MED14: variants seen among roughly 807,000 people sequenced by gnomAD.
The protein encoded by MED14 is mediator complex subunit 14.
Under a neutral mutation model 109.0 loss-of-function variants are expected in MED14, and 8 were observed. The ratio of observed to expected loss-of-function variants is 0.07; its 90% CI spans 0.04 to 0.13. The LOEUF is 0.13. Among genes scored for constraint, MED14 ranks in the 10% least tolerant of loss-of-function variants. The probability of loss-of-function intolerance (pLI) is 1.00; values close to 1 mark genes in which losing one functional copy is unlikely to be tolerated. For synonymous variants in MED14, 399 were observed against 408.7 expected, an observed-to-expected ratio of 0.98 and a Z score of 0.29; for missense variants, 711 against 1,142.4, an observed-to-expected ratio of 0.62 and a Z score of 5.44.
chrX:40,726,541 C>A, intron 3 of MED14: 1 of 355,301 alleles, frequency 2.8e-6, no homozygotes, highest in Non-Finnish European at 5.0e-6. Context: ...GTAATGATGT[C>A]TCCAGCTATC....
At chrX:40,666,690 T>C (rs1464579179) in intron 24 of MED14, 30 bp downstream of exon 24, 9 of 1,199,897 alleles carry the variant, frequency 7.5e-6, no homozygotes, top group Non-Finnish European at 9.0e-6. Flanking sequence ...CAAGCTCTTA[T>C]GCTATATCGA....
chrX:40,716,212 G>A (rs1441667020), intron 3 of MED14, among the ~76,000 whole-genome samples: 1 of 111,525 alleles, frequency 9.0e-6, no homozygotes, highest in East Asian at 2.8e-4. Flanking sequence ...TTGTGAGGAT[G>A]TGGAAGAAGG....
rs1393936729 is a variant in MED14, at chrX:40,659,272, A to G, written c.3927T>C (p.Pro1309=). 8.6e-7 allele frequency: 1 copy of G among 1,164,049 alleles called. No individual in the cohort carries two copies. Among genetic ancestry groups the G allele is most frequent in the Admixed American group, 2.6e-5 (1 of 38,697 alleles). ...LIAFTKLLGA[P]THILRDCVHI... ...GCACACAATCCCTGAGGATGTGTGT[A>G]GGAGCTCCTAATAGCTTGGTGAAGG... is the stretch of plus-strand genomic sequence containing the variant. Residue 1309 remains proline, a synonymous_variant, in exon 28 of 31, where the codon CCT becomes CCC. Transcript: ENST00000324817.
In MED14 at chrX:40,666,864, A is replaced by G. The variant is rs767991400; in HGVS notation, c.3134-13T>C. ...GCATGCAGATTTCCTAATAAAGGAA[A>G]ATAATTATAGATAATCTTGCAGGAC... On this transcript the variant is annotated splice_polypyrimidine_tract_variant and intron_variant, in intron 23 of 30. Transcript: ENST00000324817. 1 of 1,150,777 alleles carries G rather than the reference A, an allele frequency of 8.7e-7. No homozygotes were observed. The allele number at this position is 1,150,777 out of a possible 1,213,427, so 94.8% of individuals were successfully genotyped here. A position where few individuals can be genotyped will look rare whatever the true frequency, so the allele number is the denominator to read the frequency against.
intron 7 of MED14, 39 bp downstream of exon 7, chrX:40,712,147 A>T: frequency 9.7e-7 from 1 of 1,032,757 alleles, no homozygotes; most frequent in Non-Finnish European, 1.3e-6. Context: ...GGTACCACAA[A>T]ATCCTTACAA....
At chrX:40,672,040 C>G in intron 22 of MED14, 68 bp from the exon 23 acceptor site, 2 of 568,809 alleles carry the variant, frequency 3.5e-6, no homozygotes, top group Non-Finnish European at 5.8e-6. Context: ...GTGGCTTTCA[C>G]TAATTATAGC....
chrX:40,651,810 G>A lies in MED14; in HGVS notation c.4361C>T (p.Pro1454Leu). 8.4e-7 allele frequency: 1 copy of A among 1,191,539 alleles called. No homozygotes were observed. Among genetic ancestry groups the A allele is most frequent in the South Asian group, 1.9e-5 (1 of 52,865 alleles). The change falls in exon 31 of 31, where the codon CCA becomes CTA. Residue 1454 changes from proline to leucine, a missense_variant. Physicochemically the swap from Pro to Leu is moderately conservative, Grantham distance 98. This residue lies in a region of MED14 where 41 missense variants were observed against 66.9 expected (regional missense o/e 0.61). Coordinates refer to ENST00000324817, the MANE Select transcript of MED14 (RefSeq NM_004229.4). ...CTGGTTTAAAAACAATAGTGTCTAT[G>A]GACGCCCACCAGGGGGCAGTGTAAG... ...ANLTLPPGGRP is the reference protein window; with the variant it reads ...ANLTLPPGGRL
Position 40,679,906 on chromosome X carries a change from G to A in MED14, c.2838C>T (p.Asn946=), listed in dbSNP as rs1191295808. The A allele has an allele frequency of 4.1e-6, 5 of 1,211,393 alleles. No homozygotes were observed. In the South Asian group the frequency reaches 8.8e-5, roughly 21 times the overall value. ...IRDGAYSLFD[N]SKLVEGFYPA... is the part of the protein sequence containing the mutation. ...GATAGAAACCTTCAACTAGTTTGCT[G>A]TTATCAAAAAGACTATAGGCACCAT... Residue 946 remains asparagine, a synonymous_variant, in exon 21 of 31, where the codon AAC becomes AAT. Transcript: ENST00000324817.
intron 13 of MED14, among the ~76,000 whole-genome samples, chrX:40,696,143 T>C (rs1930715165): frequency 9.5e-6 from 1 of 105,293 alleles, no homozygotes; most frequent in Non-Finnish European, 2.0e-5. Context: ...ATTTTTTTTT[T>C]TTTTTTTTTG....
intron 23 of MED14, among the ~76,000 whole-genome samples, chrX:40,669,341 C>T (rs1929636563): frequency 8.9e-6 from 1 of 111,974 alleles, no homozygotes; most frequent in African/African-American, 3.3e-5. Flanking sequence ...GTTTTGTCTA[C>T]TTCCTCCCTA....
chrX:40,699,373 C>T (rs949890088), intron 12 of MED14, among the ~76,000 whole-genome samples: 13 of 111,834 alleles, frequency 1.2e-4, no homozygotes, highest in African/African-American at 4.2e-4. Context: ...GAATTGTATA[C>T]TTAAAATGGG....
At chrX:40,664,211 A>G in intron 25 of MED14, 96 bp downstream of exon 25, 2 of 830,441 alleles carry the variant, frequency 2.4e-6, no homozygotes, top group African/African-American at 4.2e-5. Flanking sequence ...ATCCTCTCTC[A>G]AAAAGTAGGT....
rs138213946 is a variant in MED14, at chrX:40,699,272, C to T, written c.1490+1893G>A. ...GGAATGGTTATTAACTATAAATGGA[C>T]ATTTCTTTGGGGTGATGGAAATGTC... On this transcript the variant is annotated intron_variant, in intron 12 of 30. Coordinates refer to ENST00000324817, the MANE Select transcript of MED14 (RefSeq NM_004229.4). 8.7e-3 allele frequency among the ~76,000 whole-genome samples: 973 copies of T among 112,214 alleles called. 14 individuals carry two copies. Among genetic ancestry groups the T allele is most frequent in the African/African-American group, 0.03 (929 of 30,929 alleles).
intron 12 of MED14, among the ~76,000 whole-genome samples, chrX:40,697,993 TG>T (rs753904156): frequency 1.8e-5 from 2 of 112,309 alleles, no homozygotes; most frequent in South Asian, 7.3e-4. Context: ...GAAACCATTT[TG>T]TTTTTTTCAT....
At chrX:40,676,633 A>C (rs1929917858) in intron 21 of MED14, among the ~76,000 whole-genome samples, 1 of 111,918 alleles carries the variant, frequency 8.9e-6, no homozygotes, top group South Asian at 3.7e-4. Flanking sequence ...CTTGAATTGT[A>C]ATCGAATTGT....
intron 16 of MED14, among the ~76,000 whole-genome samples, chrX:40,683,662 C>T (rs769154377): frequency 9.8e-5 from 11 of 111,925 alleles, no homozygotes; most frequent in Non-Finnish European, 1.9e-4. Flanking sequence ...CCAAGCCTGG[C>T]CCCATGTATG....
intron 23 of MED14, among the ~76,000 whole-genome samples, chrX:40,670,967 G>GTTCA (rs1929710139): frequency 3.6e-5 from 4 of 111,038 alleles, no homozygotes; most frequent in Admixed American, 2.9e-4. Context: ...TTAGTTCAGT[G>GTTCA]GACTGATATA....
chrX:40,669,207 T>C (rs1187075376), intron 23 of MED14, among the ~76,000 whole-genome samples: 1 of 112,153 alleles, frequency 8.9e-6, no homozygotes, highest in Non-Finnish European at 1.9e-5. Context: ...TAGTAAGCAC[T>C]ATATGCTTGT....
intron 11 of MED14, among the ~76,000 whole-genome samples, chrX:40,701,506 A>G (rs1268071603): frequency 8.9e-6 from 1 of 111,964 alleles, no homozygotes; most frequent in African/African-American, 3.2e-5. Flanking sequence ...AGTAACAAAT[A>G]CATGAATCCA....
Sources: gnomAD v4.1 joint callset for allele counts (sites outside exome capture counted in the v4.1 genomes callset) on GRCh38, gnomAD v4.1.1 for gene constraint, gnomAD v4.1.1 regional missense constraint, MANE v1.5 for transcripts, NCBI Gene and HGNC (gene_info 2026-07-23, HGNC 2026-07-21) for gene names.